The following COL25A1 variants were observed in gnomAD, a reference collection of about 807,000 sequenced individuals.
The protein encoded by COL25A1 is collagen alpha-1(XXV) chain.
Under a neutral mutation model 128.4 loss-of-function variants are expected in COL25A1, and 103 were observed. That is an observed-to-expected ratio of 0.80 (90% CI 0.68 to 0.94). The LOEUF (loss-of-function observed/expected upper bound fraction) is 0.94, where lower values mean the gene tolerates loss of function less well. Ranked by LOEUF, COL25A1 falls within the 40% of genes least tolerant of loss-of-function variation. COL25A1 has a pLI of 0.00. For synonymous variants in COL25A1, 279 were observed against 277.2 expected (o/e 1.01, Z -0.06); for missense variants, 745 against 840.0 (o/e 0.89, Z 1.40).
intron 3 of COL25A1, among the ~76,000 whole-genome samples, chr4:109,141,181 T>C (rs1007675188): frequency 6.6e-6 from 1 of 152,242 alleles, no homozygotes; most frequent in Non-Finnish European, 1.5e-5. Context: ...TCTGCATCTA[T>C]TGAGAAAATT....
chr4:109,291,410 T>C (rs890771388), intron 3 of COL25A1, among the ~76,000 whole-genome samples: 14 of 152,120 alleles, frequency 9.2e-5, no homozygotes, highest in South Asian at 2.1e-4. Context: ...TAAATTTCAA[T>C]ATACAAACAT....
chr4:108,868,571 G>GAA (rs60702754), intron 20 of COL25A1, among the ~76,000 whole-genome samples: 2,481 of 59,992 alleles, frequency 0.041, 69 homozygotes, highest in African/African-American at 0.12. Context: ...AAGAGAAAGA[G>GAA]AGAGAGAAAG....
chr4:108,962,390 A>G (rs1750829462), intron 8 of COL25A1, among the ~76,000 whole-genome samples: 8 of 152,098 alleles, frequency 5.3e-5, no homozygotes, highest in Admixed American at 5.2e-4. Context: ...CACGTTGGCT[A>G]GGATGGTCTT....
At chr4:108,825,167 GGAT>G in intron 34 of COL25A1, 26 bp downstream of exon 34, 1 of 1,562,512 alleles carries the variant, frequency 6.4e-7, no homozygotes, top group Non-Finnish European at 8.8e-7. Context: ...TATTATAATA[GGAT>G]GATGTTTATT....
chr4:108,891,704 G>A (rs1420092455), intron 16 of COL25A1, among the ~76,000 whole-genome samples: 1 of 149,658 alleles, frequency 6.7e-6, no homozygotes, highest in Non-Finnish European at 1.5e-5. Context: ...CTACTGCCGT[G>A]TTTTAGGTTT....
At chr4:109,254,776 A>G (rs1426846312) in intron 3 of COL25A1, among the ~76,000 whole-genome samples, 1 of 152,030 alleles carries the variant, frequency 6.6e-6, no homozygotes, top group Non-Finnish European at 1.5e-5. Context: ...AAAATAAGAC[A>G]CACTGCCCAG....
intron 3 of COL25A1, among the ~76,000 whole-genome samples, chr4:109,267,676 C>CT (rs1372434783): frequency 6.6e-6 from 1 of 152,096 alleles, no homozygotes; most frequent in Non-Finnish European, 1.5e-5. Flanking sequence ...AAATCCACAA[C>CT]TTTTTGAGTA....
chr4:108,880,909 G>C (rs987543516), intron 19 of COL25A1, among the ~76,000 whole-genome samples: 1 of 152,206 alleles, frequency 6.6e-6, no homozygotes, highest in African/African-American at 2.4e-5. Context: ...TATCAGAAAA[G>C]CTGGTTACAA....
At chr4:108,965,551 T>C (rs1377503152) in intron 8 of COL25A1, among the ~76,000 whole-genome samples, 2 of 152,214 alleles carry the variant, frequency 1.3e-5, no homozygotes, top group Non-Finnish European at 2.9e-5. Context: ...CTTTGCTTAT[T>C]TTTAAGGCTA....
chr4:109,147,632 T>G (rs555286765), intron 3 of COL25A1, among the ~76,000 whole-genome samples: 12 of 151,826 alleles, frequency 7.9e-5, no homozygotes, highest in Non-Finnish European at 1.6e-4. Context: ...GCCTGGCCAA[T>G]GTGGTGAAAC....
chr4:109,164,801 T>C (rs560570459), intron 3 of COL25A1, among the ~76,000 whole-genome samples: 1 of 152,362 alleles, frequency 6.6e-6, no homozygotes, highest in South Asian at 2.1e-4. Context: ...ATTTGCTTTA[T>C]GATATTGATT....
At chr4:109,021,046 C>G (rs780204508) in intron 5 of COL25A1, among the ~76,000 whole-genome samples, 1 of 152,188 alleles carries the variant, frequency 6.6e-6, no homozygotes, top group Non-Finnish European at 1.5e-5. Flanking sequence ...GGGCAGCAGC[C>G]GCATGCCGCA....
chr4:109,051,398 G>A (rs1236700197), intron 3 of COL25A1, among the ~76,000 whole-genome samples: 3 of 152,034 alleles, frequency 2.0e-5, no homozygotes, highest in African/African-American at 7.2e-5. Flanking sequence ...AAAACCAATA[G>A]AAAATATTAG....
intron 6 of COL25A1, among the ~76,000 whole-genome samples, chr4:108,977,793 C>G (rs888384430): frequency 1.3e-5 from 2 of 152,110 alleles, no homozygotes; most frequent in Admixed American, 1.3e-4. Context: ...CACATAGTAG[C>G]ATTAAGAAAA....
rs552276081 is a variant in COL25A1 at position 108,891,095 on chromosome 4, C to T, written c.907-1362G>A. On this transcript the variant is annotated intron_variant, in intron 16 of 37. Transcript: ENST00000399132. ...TCTGGATCTATTTTTATTCAGTTCC[C>T]GGGCCCATAGTATATGCTCAATACA... is the stretch of plus-strand genomic sequence containing the variant. 3.5e-4 allele frequency among the ~76,000 whole-genome samples: 53 copies of T among 152,150 alleles called. 1 individual carries two copies. The highest frequency in any genetic ancestry group is 1.1e-3 in the African/African-American group (47 of 41,498).
At chr4:109,103,263 C>G (rs1329222414) in intron 3 of COL25A1, among the ~76,000 whole-genome samples, 1 of 152,098 alleles carries the variant, frequency 6.6e-6, no homozygotes, top group African/African-American at 2.4e-5. Context: ...TTTCTTTGCA[C>G]CAAATTATAT....
intron 5 of COL25A1, among the ~76,000 whole-genome samples, chr4:109,023,959 A>G (rs573131471): frequency 6.6e-5 from 10 of 152,290 alleles, no homozygotes; most frequent in Admixed American, 2.0e-4. Context: ...TTTTAGTTCA[A>G]TGCTTCAGAC....
At chr4:108,990,427 T>G (rs1188527511) in intron 6 of COL25A1, among the ~76,000 whole-genome samples, 2 of 151,662 alleles carry the variant, frequency 1.3e-5, no homozygotes, top group Non-Finnish European at 2.9e-5. Context: ...AACTTTGCTC[T>G]CTTTAAAGAA....
At chr4:109,137,791 G>C (rs1250084159) in intron 3 of COL25A1, among the ~76,000 whole-genome samples, 1 of 152,116 alleles carries the variant, frequency 6.6e-6, no homozygotes, top group Non-Finnish European at 1.5e-5. Flanking sequence ...CTGTGGAGTG[G>C]TTGGTATAAT....
Sources: allele counts gnomAD v4.1 joint callset (sites outside exome capture counted in the v4.1 genomes callset), GRCh38; gene constraint gnomAD v4.1.1; transcripts MANE v1.5; gene names NCBI Gene and HGNC (gene_info 2026-07-23, HGNC 2026-07-21).